The following SCFD1 variants were observed in gnomAD, a reference collection of about 807,000 sequenced individuals.
The protein encoded by SCFD1 is sec1 family domain-containing protein 1.
A neutral mutation model predicts 103.2 loss-of-function variants in SCFD1; 37 were observed. The observed-to-expected ratio is 0.36, with a 90% confidence interval of 0.28 to 0.47. The LOEUF is 0.47. Among genes scored for constraint, SCFD1 ranks in the 20% least tolerant of loss-of-function variants. SCFD1 has a pLI of 1.00. For missense variants in SCFD1, 639 were observed against 761.2 expected (o/e 0.84, Z 1.89); for synonymous variants, 264 against 245.0 (o/e 1.08, Z -0.73).
chr14:30,708,624 A>G (rs536572427), intron 19 of SCFD1, among the ~76,000 whole-genome samples: 7 of 152,270 alleles, frequency 4.6e-5, no homozygotes, highest in African/African-American at 1.4e-4. Context: ...GAAAGAATGA[A>G]CCTAACCTAT....
At chr14:30,654,608 A>G (rs1309070072) in intron 10 of SCFD1, among the ~76,000 whole-genome samples, 1 of 149,980 alleles carries the variant, frequency 6.7e-6, no homozygotes, top group South Asian at 2.2e-4. Context: ...CAGGAGGCGG[A>G]GGTTGCAGTG....
At chr14:30,622,315 G>C, upstream of SCFD1, 3 of 1,593,128 alleles carry the variant, frequency 1.9e-6, no homozygotes, top group Non-Finnish European at 2.6e-6. Context: ...CTCCCCAGCC[G>C]GGCAGTGGCT....
rs115073450 is a variant in SCFD1, at chr14:30,622,885, G to A, written c.61+486G>A. On this transcript the variant is annotated intron_variant, in intron 1 of 24. Transcript: ENST00000458591. ...GGGTACCTGCAGAAAAATGCCTGGT[G>A]ATAAACATTTTCTCCTTCAGCTTGC... Among the ~76,000 whole-genome samples, 1,303 of 152,270 alleles carry A rather than the reference G, an allele frequency of 8.6e-3. 26 individuals carry two copies. Among genetic ancestry groups the A allele is most frequent in the African/African-American group, 0.03 (1,260 of 41,532 alleles).
chr14:30,670,515 G>A (rs2139203247), intron 11 of SCFD1, 120 bp downstream of exon 11: 1 of 583,684 alleles, frequency 1.7e-6, no homozygotes, highest in East Asian at 3.2e-5. Flanking sequence ...AATGAGTGGG[G>A]GCTGTAATTA....
intron 14 of SCFD1, among the ~76,000 whole-genome samples, chr14:30,676,849 T>C (rs1175990485): frequency 2.0e-5 from 3 of 152,226 alleles, no homozygotes; most frequent in Non-Finnish European, 4.4e-5. Flanking sequence ...ACAACTATTA[T>C]AGATGTGTAG....
chr14:30,695,745 A>G (rs1352094077), intron 15 of SCFD1, among the ~76,000 whole-genome samples: 1 of 152,014 alleles, frequency 6.6e-6, no homozygotes, highest in African/African-American at 2.4e-5. Flanking sequence ...GGTGGCATGC[A>G]TCTGTAGTCC....
At chr14:30,724,629 C>G (rs576163089) in intron 23 of SCFD1, among the ~76,000 whole-genome samples, 2 of 152,204 alleles carry the variant, frequency 1.3e-5, no homozygotes, top group East Asian at 1.9e-4. Context: ...TTTGCACAAA[C>G]TTTCTACCAT....
intron 6 of SCFD1, among the ~76,000 whole-genome samples, 188 bp downstream of exon 6, chr14:30,640,052 T>C (rs1885113983): frequency 6.6e-6 from 1 of 152,202 alleles, no homozygotes; most frequent in African/African-American, 2.4e-5. Context: ...AAACGTTTAA[T>C]AAACCTGTTT....
chr14:30,655,662 G>C (rs941684122), intron 10 of SCFD1, among the ~76,000 whole-genome samples: 20 of 152,194 alleles, frequency 1.3e-4, no homozygotes, highest in African/African-American at 4.8e-4. Flanking sequence ...ACTGACTGTA[G>C]AGTATAGGAT....
chr14:30,707,997 T>C lies in SCFD1; in HGVS notation c.1561T>C (p.Ser521Pro). ...TCTTTTGCCCCTACCTAGTCTTTTA[T>C]CACGAGTCATGAATACAGGATCACA... is the stretch of plus-strand genomic sequence containing the variant. ...STTTKPMGLL[S>P]RVMNTGSQFV... Residue 521 changes from serine (S) to proline (P), a missense_variant, in exon 19 of 25, where the codon TCA (serine) becomes CCA (proline). By Grantham distance (74) the Ser-to-Pro change is moderately conservative. Coordinates refer to ENST00000458591, the MANE Select transcript of SCFD1 (RefSeq NM_016106.4). The C allele has an allele frequency of 6.2e-7, 1 of 1,612,600 alleles. No individual in the cohort carries two copies. The highest frequency in any genetic ancestry group is 8.5e-7 in the Non-Finnish European group (1 of 1,178,734).
rs1890505074 is a variant in SCFD1, at chr14:30,694,002, C to T, written c.1243-771C>T. Among the ~76,000 whole-genome samples the T allele has an allele frequency of 2.0e-5, 3 of 152,144 alleles. 1 individual carries two copies. In the South Asian group the frequency reaches 6.2e-4, roughly 32 times the overall value. On this transcript the variant is annotated intron_variant, in intron 14 of 24. Transcript: ENST00000458591. ...GGTCTCACACAGCAAAGTTTTACTACGTTTCCGTTATCTTAAACTTCAAGA... is the reference window on the plus strand; with the variant it reads ...GGTCTCACACAGCAAAGTTTTACTATGTTTCCGTTATCTTAAACTTCAAGA...
chr14:30,722,198 C>A (rs1314864573), intron 22 of SCFD1, among the ~76,000 whole-genome samples: 1 of 152,030 alleles, frequency 6.6e-6, no homozygotes, highest in Non-Finnish European at 1.5e-5. Context: ...TGTGAAGATA[C>A]TATGACTGTT....
At chr14:30,636,849 A>G (rs1014051477) in intron 4 of SCFD1, among the ~76,000 whole-genome samples, 3 of 152,026 alleles carry the variant, frequency 2.0e-5, no homozygotes, top group African/African-American at 7.2e-5. Flanking sequence ...TAAAAATTCA[A>G]TTGATTTTTA....
At position 30,708,821 on chromosome 14, in the gene SCFD1, C is replaced by T. The variant is rs181842995; in HGVS notation, c.1629+756C>T. On this transcript the variant is annotated intron_variant, in intron 19 of 24. Coordinates refer to ENST00000458591, the MANE Select transcript of SCFD1 (RefSeq NM_016106.4). Reference sequence around the variant, plus strand: ...GATTTCGCATTTTCTTTCTTTTAGTCCTTCATTTTGTATATAGGACACTTT... The same window carrying T: ...GATTTCGCATTTTCTTTCTTTTAGTTCTTCATTTTGTATATAGGACACTTT... 3.3e-5 allele frequency among the ~76,000 whole-genome samples: 5 copies of T among 151,974 alleles called. No individual in the cohort carries two copies. In the East Asian group the frequency reaches 9.7e-4, roughly 29 times the overall value.
chr14:30,700,355 A>G lies in SCFD1; in HGVS notation c.1410+97A>G, dbSNP rs1188058739. 7 of 829,914 alleles carry G rather than the reference A, an allele frequency of 8.4e-6. No homozygotes were observed. In the East Asian group the frequency reaches 1.7e-4, roughly 21 times the overall value. The allele number at this position is 829,914 out of a possible 1,614,324, so 51.4% of individuals were successfully genotyped here. Reference sequence around the variant, plus strand: ...AACAGAAGTAAAAATCACTGTGGCTAAATATCTGCTTCATTTCTTTCTTTA... The same window carrying G: ...AACAGAAGTAAAAATCACTGTGGCTGAATATCTGCTTCATTTCTTTCTTTA... On this transcript the variant is annotated intron_variant, in intron 16 of 24. Transcript: ENST00000458591.
intron 23 of SCFD1, among the ~76,000 whole-genome samples, chr14:30,724,616 T>C (rs1044255934): frequency 6.6e-6 from 1 of 152,158 alleles, no homozygotes; most frequent in East Asian, 1.9e-4. Context: ...GCTGGATGCA[T>C]AGTTTGCACA....
intron 17 of SCFD1, among the ~76,000 whole-genome samples, chr14:30,703,049 T>C (rs149229000): frequency 2.0e-5 from 3 of 150,818 alleles, no homozygotes; most frequent in African/African-American, 4.9e-5. Context: ...TCACGTTATA[T>C]TGCAAAGTAA....
intron 15 of SCFD1, among the ~76,000 whole-genome samples, chr14:30,699,404 G>A (rs966477572): frequency 6.6e-6 from 1 of 151,996 alleles, no homozygotes; most frequent in Non-Finnish European, 1.5e-5. Context: ...GTTATTTGTC[G>A]AGAACAATGC....
chr14:30,639,903 A>G (rs1566585061), intron 6 of SCFD1, 39 bp downstream of exon 6: 1 of 1,553,554 alleles, frequency 6.4e-7, no homozygotes, highest in Admixed American at 1.9e-5. Flanking sequence ...TTTGTTAACA[A>G]AATGAATGGT....
Sources: gnomAD v4.1 joint callset for allele counts (sites outside exome capture counted in the v4.1 genomes callset) on GRCh38, gnomAD v4.1.1 for gene constraint, MANE v1.5 for transcripts, NCBI Gene and HGNC (gene_info 2026-07-23, HGNC 2026-07-21) for gene names.